The following OLFM3 variants were observed in gnomAD, a reference collection of about 807,000 sequenced individuals.
OLFM3 encodes the protein olfactomedin 3.
A neutral mutation model predicts 48.6 loss-of-function variants in OLFM3; 20 were observed. That is an observed-to-expected ratio of 0.41 (90% CI 0.29 to 0.60). The LOEUF (loss-of-function observed/expected upper bound fraction) is 0.60, where lower values mean the gene tolerates loss of function less well. Ranked by LOEUF, OLFM3 falls within the 20% of genes least tolerant of loss-of-function variation. OLFM3 has a pLI of 0.28. For missense variants in OLFM3, 437 were observed against 544.3 expected, an observed-to-expected ratio of 0.80 and a Z score of 1.96; for synonymous variants, 222 against 198.1, an observed-to-expected ratio of 1.12 and a Z score of -1.01.
intron 1 of OLFM3, among the ~76,000 whole-genome samples, chr1:101,920,435 G>T (rs1403843602): frequency 6.6e-6 from 1 of 152,168 alleles, no homozygotes; most frequent in Non-Finnish European, 1.5e-5. Flanking sequence ...TTCAGAAATA[G>T]ATGCTGGCAC....
At chr1:101,969,480 A>G (rs1395796991) in intron 1 of OLFM3, among the ~76,000 whole-genome samples, 1 of 151,982 alleles carries the variant, frequency 6.6e-6, no homozygotes, top group Admixed American at 6.6e-5. Flanking sequence ...TTGTCTTTTT[A>G]TTATCGTAAA....
chr1:101,843,769 T>A (rs1037238415), intron 1 of OLFM3, among the ~76,000 whole-genome samples: 1 of 152,220 alleles, frequency 6.6e-6, no homozygotes, highest in Admixed American at 6.5e-5. Flanking sequence ...TTTTTCCTGG[T>A]TTTCTTTTTC....
chr1:101,991,369 G>T (rs1661406293), intron 1 of OLFM3, among the ~76,000 whole-genome samples: 1 of 151,944 alleles, frequency 6.6e-6, no homozygotes, highest in Non-Finnish European at 1.5e-5. Flanking sequence ...TAAGTAAATT[G>T]ATGTTTAATT....
At chr1:101,933,228 A>AAAAAAAAAG (rs1557735950) in intron 1 of OLFM3, among the ~76,000 whole-genome samples, 1 of 144,042 alleles carries the variant, frequency 6.9e-6, no homozygotes, top group African/African-American at 2.6e-5. Flanking sequence ...AAAAAAAAAA[A>AAAAAAAAAG]AGAGAAAAAA....
chr1:101,879,472 T>C (rs1657434080), intron 1 of OLFM3, among the ~76,000 whole-genome samples: 1 of 151,892 alleles, frequency 6.6e-6, no homozygotes, highest in African/African-American at 2.4e-5. Flanking sequence ...CTTCCGTTTG[T>C]AAAAGATTTT....
At chr1:101,845,736 TA>T (rs1655961469) in intron 1 of OLFM3, among the ~76,000 whole-genome samples, 1 of 152,292 alleles carries the variant, frequency 6.6e-6, no homozygotes, top group East Asian at 1.9e-4. Context: ...ATAAGTAACC[TA>T]AGGGAAATGA....
At chr1:101,889,515 G>C (rs1657905485) in intron 1 of OLFM3, among the ~76,000 whole-genome samples, 1 of 152,060 alleles carries the variant, frequency 6.6e-6, no homozygotes. Context: ...AGTGGGTCAA[G>C]GGGGGAGGGA....
intron 1 of OLFM3, among the ~76,000 whole-genome samples, chr1:101,951,476 C>A (rs1220848349): frequency 6.6e-6 from 1 of 152,070 alleles, no homozygotes; most frequent in East Asian, 1.9e-4. Context: ...TTAGTTTGAA[C>A]TAATCATCGG....
intron 1 of OLFM3, among the ~76,000 whole-genome samples, chr1:101,981,037 C>A (rs1661092391): frequency 6.6e-6 from 1 of 152,162 alleles, no homozygotes; most frequent in African/African-American, 2.4e-5. Context: ...AAATCTGATT[C>A]TTCTCTGAAC....
chr1:101,941,786 C>A (rs1659802150), intron 1 of OLFM3, among the ~76,000 whole-genome samples: 1 of 152,138 alleles, frequency 6.6e-6, no homozygotes, highest in African/African-American at 2.4e-5. Context: ...TAGGTTCAAA[C>A]AAGTGGGGCA....
intron 1 of OLFM3, among the ~76,000 whole-genome samples, chr1:101,958,685 G>C (rs1660373833): frequency 6.6e-6 from 1 of 151,950 alleles, no homozygotes; most frequent in South Asian, 2.1e-4. Context: ...TAAAATGTAT[G>C]AACATGAGAG....
intron 1 of OLFM3, among the ~76,000 whole-genome samples, chr1:101,902,750 C>T (rs373097812): frequency 3.3e-5 from 5 of 152,208 alleles, no homozygotes; most frequent in East Asian, 1.9e-4. Context: ...TGCTTAACAG[C>T]GTACGTATAC....
chr1:101,895,970 GTAATAATAA>G (rs71720190), intron 1 of OLFM3, among the ~76,000 whole-genome samples: 126 of 145,024 alleles, frequency 8.7e-4, no homozygotes, highest in African/African-American at 1.6e-3. Context: ...TAAAACATAG[GTAATAATAA>G]TAATAATAAT....
intron 1 of OLFM3, among the ~76,000 whole-genome samples, chr1:101,889,010 T>C (rs1403573146): frequency 6.6e-6 from 1 of 152,168 alleles, no homozygotes; most frequent in Non-Finnish European, 1.5e-5. Context: ...CAACAAGTGC[T>C]GGAGAGGATG....
intron 4 of OLFM3, among the ~76,000 whole-genome samples, chr1:101,817,079 T>C (rs1003743608): frequency 5.9e-5 from 9 of 152,144 alleles, no homozygotes; most frequent in Admixed American, 5.2e-4. Context: ...CTGTAAAATG[T>C]GGTAAAATAA....
At chr1:101,955,988 T>C (rs1211258077) in intron 1 of OLFM3, among the ~76,000 whole-genome samples, 5 of 151,828 alleles carry the variant, frequency 3.3e-5, no homozygotes, top group Non-Finnish European at 5.9e-5. Context: ...TACTTTATTC[T>C]ATTTCTCAGT....
intron 1 of OLFM3, among the ~76,000 whole-genome samples, chr1:101,946,222 A>G (rs1039755798): frequency 2.6e-5 from 4 of 152,212 alleles, no homozygotes; most frequent in African/African-American, 7.2e-5. Context: ...ATTTGATTCA[A>G]TATCTGTCAA....
rs1661572896 is a variant in OLFM3 at position 101,996,785 on chromosome 1, A to T, written c.32T>A (p.Leu11Gln). The change falls in exon 1 of 6, where the codon CTG (leucine) becomes CAG (glutamine). Residue 11 changes from leucine to glutamine, a missense_variant. By Grantham distance (113) the Leu-to-Gln change is moderately radical. This residue lies in a region of OLFM3 where 314 missense variants were observed against 365.5 expected (regional missense o/e 0.86). Transcript: ENST00000370103. MQATSNLLNL[L>Q]LLSLFAGLDP... ...TAATCCGGCAAACAAAGACAGCAGC[A>T]GGAGGTTGAGAAGGTTGGACGTCGC... The T allele has an allele frequency of 6.2e-7, 1 of 1,614,146 alleles. No individual in the cohort carries two copies. Among genetic ancestry groups the T allele is most frequent in the Non-Finnish European group, 8.5e-7 (1 of 1,180,050 alleles).
intron 4 of OLFM3, chr1:101,812,462 G>T: frequency 1.0e-6 from 1 of 985,310 alleles, no homozygotes; most frequent in South Asian, 4.7e-5. Context: ...CACAATTCTG[G>T]TATTTGTCTC....
Sources: allele counts gnomAD v4.1 joint callset (sites outside exome capture counted in the v4.1 genomes callset), GRCh38; gene constraint gnomAD v4.1.1; regional missense constraint gnomAD v4.1.1; transcripts MANE v1.5; gene names NCBI Gene and HGNC (gene_info 2026-07-23, HGNC 2026-07-21).